Variants in CDH6 observed in about 807,000 individuals in gnomAD.
CDH6 encodes cadherin 6.
A neutral mutation model predicts 78.0 loss-of-function variants in CDH6; 31 were observed. That is an observed-to-expected ratio of 0.40 (90% CI 0.30 to 0.54). CDH6 has a LOEUF of 0.54. Among genes scored for constraint, CDH6 ranks in the 20% least tolerant of loss-of-function variants. CDH6 has a pLI of 0.56. For missense variants in CDH6, 724 were observed against 975.9 expected (o/e 0.74, Z 3.44); for synonymous variants, 376 against 368.8 (o/e 1.02, Z -0.23).
At chr5:31,319,103 T>C (rs1738406486) in intron 11 of CDH6, 1 of 181,588 alleles carries the variant, frequency 5.5e-6, no homozygotes, top group Non-Finnish European at 1.2e-5. Context: ...ATATGAATGT[T>C]CTTTTTGATC....
intron 1 of CDH6, among the ~76,000 whole-genome samples, chr5:31,200,318 A>G (rs904364715): frequency 6.6e-6 from 1 of 152,040 alleles, no homozygotes; most frequent in Non-Finnish European, 1.5e-5. Flanking sequence ...TGTTCATTGC[A>G]TTGAGAGGGG....
chr5:31,215,903 A>G (rs1740848082), intron 1 of CDH6, among the ~76,000 whole-genome samples: 2 of 152,150 alleles, frequency 1.3e-5, no homozygotes. Flanking sequence ...ATAGCAACCA[A>G]GAGACAGATG....
chr5:31,252,246 A>G (rs1741929373), intron 1 of CDH6, among the ~76,000 whole-genome samples: 1 of 152,172 alleles, frequency 6.6e-6, no homozygotes, highest in African/African-American at 2.4e-5. Flanking sequence ...ATTCTACATT[A>G]GTACGGGAAC....
At chr5:31,300,455 G>A (rs1016228442) in intron 5 of CDH6, among the ~76,000 whole-genome samples, 6 of 152,162 alleles carry the variant, frequency 3.9e-5, no homozygotes, top group African/African-American at 1.4e-4. Context: ...ATAGGAAGTA[G>A]TTTTATTTTC....
chr5:31,214,705 G>A (rs1740817206), intron 1 of CDH6, among the ~76,000 whole-genome samples: 1 of 152,150 alleles, frequency 6.6e-6, no homozygotes, highest in Non-Finnish European at 1.5e-5. Flanking sequence ...GAAAAAATGT[G>A]AGCATGTCCT....
chr5:31,221,778 G>A (rs1411588428), intron 1 of CDH6, among the ~76,000 whole-genome samples: 1 of 152,196 alleles, frequency 6.6e-6, no homozygotes, highest in Admixed American at 6.5e-5. Flanking sequence ...GAAAGATGAT[G>A]TGATGTGGTA....
At chr5:31,253,570 A>G (rs1741972247) in intron 1 of CDH6, among the ~76,000 whole-genome samples, 1 of 152,162 alleles carries the variant, frequency 6.6e-6, no homozygotes, top group Non-Finnish European at 1.5e-5. Context: ...TTCTAAGGGC[A>G]CTAATCTCAT....
intron 1 of CDH6, among the ~76,000 whole-genome samples, chr5:31,231,657 C>T (rs775572377): frequency 1.4e-4 from 22 of 152,182 alleles, no homozygotes; most frequent in Non-Finnish European, 3.1e-4. Context: ...CTTTCTTCCT[C>T]TTCTTATAAA....
intron 1 of CDH6, among the ~76,000 whole-genome samples, chr5:31,262,143 A>G (rs1742226879): frequency 6.6e-6 from 1 of 152,214 alleles, no homozygotes; most frequent in South Asian, 2.1e-4. Flanking sequence ...TCTTGATAGG[A>G]CTTGAATTAA....
chr5:31,216,246 A>G (rs1049664154), intron 1 of CDH6, among the ~76,000 whole-genome samples: 1 of 152,052 alleles, frequency 6.6e-6, no homozygotes, highest in African/African-American at 2.4e-5. Flanking sequence ...TTGCACGTAA[A>G]CATTACTGTA....
At chr5:31,282,297 C>T (rs1323435706) in intron 2 of CDH6, among the ~76,000 whole-genome samples, 2 of 152,144 alleles carry the variant, frequency 1.3e-5, no homozygotes, top group Non-Finnish European at 2.9e-5. Flanking sequence ...CCGTCTTTTC[C>T]AGCTTCTAGA....
At chr5:31,320,828 A>T (rs1276043424) in intron 11 of CDH6, among the ~76,000 whole-genome samples, 1 of 152,066 alleles carries the variant, frequency 6.6e-6, no homozygotes, top group African/African-American at 2.4e-5. Context: ...AAAATACAAA[A>T]ATTAACTGTG....
At chr5:31,195,935 T>C (rs1440917335) in intron 1 of CDH6, among the ~76,000 whole-genome samples, 1 of 152,192 alleles carries the variant, frequency 6.6e-6, no homozygotes. Flanking sequence ...GCCAATTCAG[T>C]TCTACTGTAT....
chr5:31,232,073 C>T (rs4424006), intron 1 of CDH6, among the ~76,000 whole-genome samples: 149,198 of 152,314 alleles, frequency 0.98, 73,119 homozygotes, highest in East Asian at 1. Flanking sequence ...ACTTAGGCAT[C>T]ACCATTTAGC....
At position 31,323,371 on chromosome 5, in the gene CDH6, T is replaced by A. The variant is rs921875240; in HGVS notation, c.*63T>A. 5.9e-6 allele frequency: 9 copies of A among 1,526,802 alleles called. No homozygotes were observed. The highest frequency in any genetic ancestry group is 8.0e-6 in the Non-Finnish European group (9 of 1,125,840). The allele number at this position is 1,526,802 out of a possible 1,614,324, so 94.6% of individuals were successfully genotyped here. A position where few individuals can be genotyped will look rare whatever the true frequency, so the allele number is the denominator to read the frequency against. On this transcript the variant is annotated 3_prime_UTR_variant, in exon 12 of 12. Coordinates refer to ENST00000265071, the MANE Select transcript of CDH6 (RefSeq NM_004932.4). ...TATGTGAAGTGGCTATTTCTTTATATTTATCCACTACTCCGTGAAGGCTTC... is the reference window on the plus strand; with the variant it reads ...TATGTGAAGTGGCTATTTCTTTATAATTATCCACTACTCCGTGAAGGCTTC...
intron 11 of CDH6, among the ~76,000 whole-genome samples, chr5:31,320,434 C>T (rs925808858): frequency 6.6e-6 from 1 of 152,144 alleles, no homozygotes; most frequent in Non-Finnish European, 1.5e-5. Flanking sequence ...TAAATGCCTG[C>T]CCCTTGCCTT....
At chr5:31,320,353 C>T (rs140879721) in intron 11 of CDH6, among the ~76,000 whole-genome samples, 74 of 152,226 alleles carry the variant, frequency 4.9e-4, no homozygotes, top group African/African-American at 1.4e-3. Context: ...TAGACAGTTG[C>T]GCTTTCAGAC....
At chr5:31,232,439 T>G (rs752240652) in intron 1 of CDH6, among the ~76,000 whole-genome samples, 8 of 152,222 alleles carry the variant, frequency 5.3e-5, no homozygotes, top group South Asian at 2.1e-4. Flanking sequence ...CTGGTTAGAC[T>G]CTAAGACCCA....
At chr5:31,276,749 G>C (rs548699285) in intron 2 of CDH6, among the ~76,000 whole-genome samples, 2 of 152,186 alleles carry the variant, frequency 1.3e-5, no homozygotes, top group African/African-American at 2.4e-5. Flanking sequence ...TTCTGACTAC[G>C]TGTGTAATAT....
Sources: gnomAD v4.1 joint callset for allele counts (sites outside exome capture counted in the v4.1 genomes callset) on GRCh38, gnomAD v4.1.1 for gene constraint, MANE v1.5 for transcripts, NCBI Gene and HGNC (gene_info 2026-07-23, HGNC 2026-07-21) for gene names.